PTP4A1: variants seen among roughly 807,000 people sequenced by gnomAD.
PTP4A1 encodes protein tyrosine phosphatase type IVA 1.
A neutral mutation model predicts 20.5 loss-of-function variants in PTP4A1; 9 were observed. The ratio of observed to expected loss-of-function variants is 0.44; its 90% CI spans 0.26 to 0.77. The LOEUF (loss-of-function observed/expected upper bound fraction) is 0.77, where lower values mean the gene tolerates loss of function less well. Ranked by LOEUF, PTP4A1 falls within the 30% of genes least tolerant of loss-of-function variation. The pLI is 0.19. For synonymous variants in PTP4A1, 78 were observed against 67.4 expected (o/e 1.16, Z -0.77); for missense variants, 137 against 218.8 (o/e 0.63, Z 2.36).
chr6:63,550,887 A>G lies in PTP4A1; in HGVS notation c.-446+394A>G, dbSNP rs992666298. On this transcript the variant is annotated intron_variant, in intron 3 of 3. Transcript: ENST00000639568. ...GTGATCCGCCTGCCTCGGCCTCCCA[A>G]AGTGTTTGGATTACATGGATGAGCC... Among the ~76,000 whole-genome samples, 12 of 152,232 alleles carry G rather than the reference A, an allele frequency of 7.9e-5. No individual in the cohort carries two copies. In the South Asian group the frequency reaches 2.3e-3, roughly 29 times the overall value.
upstream of PTP4A1, among the ~76,000 whole-genome samples, chr6:63,519,030 A>G (rs771682909): frequency 2.6e-5 from 4 of 152,170 alleles, no homozygotes; most frequent in Non-Finnish European, 4.4e-5. Flanking sequence ...AATAAAGACT[A>G]CAGGCCGGGC....
At chr6:63,547,389 C>G (rs1299627106) in intron 2 of PTP4A1, among the ~76,000 whole-genome samples, 1 of 151,148 alleles carries the variant, frequency 6.6e-6, no homozygotes, top group Non-Finnish European at 1.5e-5. Context: ...AGGATTTCAC[C>G]ATGTTGGCCA....
At chr6:63,551,652 C>T (rs779339665) in intron 3 of PTP4A1, among the ~76,000 whole-genome samples, 22 of 152,152 alleles carry the variant, frequency 1.4e-4, no homozygotes, top group Non-Finnish European at 2.9e-4. Flanking sequence ...TTGTCGTTTA[C>T]ATTAGTTATA....
In PTP4A1 at chr6:63,580,219, C is replaced by A; in HGVS notation, c.*45C>A. The A allele has an allele frequency of 7.0e-7, 1 of 1,428,958 alleles. No homozygotes were observed. Among genetic ancestry groups the A allele is most frequent in the Non-Finnish European group, 9.9e-7 (1 of 1,014,524 alleles). The allele number at this position is 1,428,958 out of a possible 1,614,324, so 88.5% of individuals were successfully genotyped here. Reference sequence around the variant, plus strand: ...ACTGGAAGTGGAACTTGAGATAGGGCCTAATTTGTTATACATATTAGCCAA... The same window carrying A: ...ACTGGAAGTGGAACTTGAGATAGGGACTAATTTGTTATACATATTAGCCAA... On this transcript the variant is annotated 3_prime_UTR_variant, in exon 6 of 6. Transcript: ENST00000626021.
chr6:63,547,429 A>AT (rs1776240083), intron 2 of PTP4A1, among the ~76,000 whole-genome samples: 1 of 149,850 alleles, frequency 6.7e-6, no homozygotes, highest in Non-Finnish European at 1.5e-5. Context: ...ACCTCAAGTG[A>AT]TTAATCTGCC....
At chr6:63,520,098 A>G (rs1774867120), upstream of PTP4A1, among the ~76,000 whole-genome samples, 2 of 152,216 alleles carry the variant, frequency 1.3e-5, no homozygotes, top group African/African-American at 4.8e-5. Context: ...TTATCAAACA[A>G]AAACTAACCA....
chr6:63,577,076 T>G (rs1226258317), intron 2 of PTP4A1, 91 bp downstream of exon 2: 2 of 925,996 alleles, frequency 2.2e-6, no homozygotes, highest in Non-Finnish European at 3.3e-6. Context: ...TTGGAAAAAA[T>G]GAGATGATAT....
At chr6:63,578,865 G>T in intron 3 of PTP4A1, 33 bp from the exon 4 acceptor site, 1 of 1,467,826 alleles carries the variant, frequency 6.8e-7, no homozygotes, top group South Asian at 1.4e-5. Flanking sequence ...TTATATTAAT[G>T]ATCTAAAATG....
chr6:63,554,519 C>T (rs1036108770), intron 3 of PTP4A1, among the ~76,000 whole-genome samples: 75 of 152,240 alleles, frequency 4.9e-4, no homozygotes, highest in Admixed American at 4.5e-3. Context: ...TAATTTAGGC[C>T]GGGCACGGTG....
At position 63,581,424 on chromosome 6, in the gene PTP4A1, A is replaced by T. The variant is rs566506782; in HGVS notation, c.*1250A>T. 3 of 152,740 alleles carry T rather than the reference A, an allele frequency of 2.0e-5. No individual in the cohort carries two copies. In the South Asian group the frequency reaches 6.2e-4, roughly 32 times the overall value. The allele number at this position is 152,740 out of a possible 1,614,324, so 9.5% of individuals were successfully genotyped here. A position where few individuals can be genotyped will look rare whatever the true frequency, so the allele number is the denominator to read the frequency against. ...AAAAACTTAGTGCGAGAGCTGAAAC[A>T]TCTAAATAAATAATGACATGCATTT... On this transcript the variant is annotated 3_prime_UTR_variant, in exon 6 of 6. Transcript: ENST00000626021.
chr6:63,520,176 T>A (rs1774869884), upstream of PTP4A1, among the ~76,000 whole-genome samples: 1 of 152,262 alleles, frequency 6.6e-6, no homozygotes. Flanking sequence ...TGCATCCTTT[T>A]TTTAACTTCA....
At chr6:63,521,184 C>A (rs1774913607), upstream of PTP4A1, among the ~76,000 whole-genome samples, 1 of 151,190 alleles carries the variant, frequency 6.6e-6, no homozygotes, top group Admixed American at 6.6e-5. Flanking sequence ...ACCTATGTAA[C>A]AAACCTGAGC....
chr6:63,553,860 G>A (rs570521281), intron 3 of PTP4A1, among the ~76,000 whole-genome samples: 7 of 152,248 alleles, frequency 4.6e-5, no homozygotes, highest in South Asian at 2.1e-4. Flanking sequence ...TACAATTAAC[G>A]TATTTGAGTC....
At chr6:63,526,819 ATATATATATATATATATT>A (rs1775203848) in intron 1 of PTP4A1, among the ~76,000 whole-genome samples, 2 of 142,746 alleles carry the variant, frequency 1.4e-5, no homozygotes, top group South Asian at 2.2e-4. Context: ...ATATATATAT[ATATATATATATATATATT>A]TATTTATTTA....
chr6:63,554,939 C>T (rs2149492172), intron 3 of PTP4A1, among the ~76,000 whole-genome samples: 1 of 152,234 alleles, frequency 6.6e-6, no homozygotes, highest in Middle Eastern at 3.4e-3. Context: ...TAGAATCATA[C>T]AAAGAGACAA....
At chr6:63,562,791 AGT>A (rs1358109320) in intron 3 of PTP4A1, among the ~76,000 whole-genome samples, 2 of 152,168 alleles carry the variant, frequency 1.3e-5, no homozygotes, top group Non-Finnish European at 2.9e-5. Context: ...CCTCAGAAAT[AGT>A]GTCTTTCTCT....
intron 2 of PTP4A1, among the ~76,000 whole-genome samples, chr6:63,577,247 C>G (rs953758321): frequency 2.6e-5 from 4 of 152,100 alleles, no homozygotes; most frequent in African/African-American, 7.3e-5. Flanking sequence ...TCTTACTTAT[C>G]TTGTAAGAAA....
intron 2 of PTP4A1, among the ~76,000 whole-genome samples, chr6:63,577,187 T>C (rs1387118998): frequency 6.6e-6 from 1 of 152,232 alleles, no homozygotes; most frequent in South Asian, 2.1e-4. Context: ...TTAATAGTTA[T>C]TGTACCTGAG....
At chr6:63,551,780 G>A (rs1776455167) in intron 3 of PTP4A1, among the ~76,000 whole-genome samples, 1 of 148,150 alleles carries the variant, frequency 6.7e-6, no homozygotes. Flanking sequence ...ACCTATGAAT[G>A]AGAACATGTG....
Sources: gnomAD v4.1 joint callset for allele counts (sites outside exome capture counted in the v4.1 genomes callset) on GRCh38, gnomAD v4.1.1 for gene constraint, MANE v1.5 for transcripts, NCBI Gene and HGNC (gene_info 2026-07-23, HGNC 2026-07-21) for gene names.